The following RAB43 variants were observed in gnomAD, a reference collection of about 807,000 sequenced individuals.
RAB43 encodes ras-related protein Rab-43.
In RAB43, 6 loss-of-function variants were observed where a neutral mutation model predicts 18.8. The observed-to-expected ratio is 0.32, with a 90% CI of 0.17 to 0.63. The LOEUF (loss-of-function observed/expected upper bound fraction) is 0.63. RAB43 is among the 30% of genes least tolerant of loss of function. RAB43 has a pLI of 0.79. For missense variants in RAB43, 195 were observed against 289.1 expected, an observed-to-expected ratio of 0.67 and a Z score of 2.36; for synonymous variants, 103 against 124.1, an observed-to-expected ratio of 0.83 and a Z score of 1.13.
At chr3:129,097,286 G>A (rs112171002) in intron 1 of RAB43, among the ~76,000 whole-genome samples, 6 of 152,292 alleles carry the variant, frequency 3.9e-5, no homozygotes, top group African/African-American at 1.2e-4. Context: ...ATGGAGCAGA[G>A]CAGACCACAC....
Position 129,107,948 on chromosome 3 carries a change from G to A in RAB43, c.205-12779C>T, listed in dbSNP as rs1576836129. Among the ~76,000 whole-genome samples the A allele has an allele frequency of 6.6e-6, 1 of 152,268 alleles. No individual in the cohort carries two copies. Among genetic ancestry groups the A allele is most frequent in the Non-Finnish European group, 1.5e-5 (1 of 68,026 alleles). ...CCTCCCCGGGCTCCCAGGCACAGCT[G>A]GCTGTTTCGCTGCCTATGGCCCCCA... On this transcript the variant is annotated intron_variant, in intron 1 of 2. Transcript: ENST00000315150. The surrounding 1 kb of genome is among the most constrained non-coding windows in gnomAD (Gnocchi z 4.2).
intron 1 of RAB43, among the ~76,000 whole-genome samples, chr3:129,112,330 A>C (rs141249073): frequency 0.019 from 2,954 of 152,304 alleles, 80 homozygotes; most frequent in African/African-American, 0.066. Context: ...AATGGTAAAC[A>C]GAATTTTTTA....
chr3:129,111,388 A>C (rs1935163301), intron 1 of RAB43, among the ~76,000 whole-genome samples: 1 of 151,658 alleles, frequency 6.6e-6, no homozygotes, highest in African/African-American at 2.4e-5. Flanking sequence ...AGTGGTGTGC[A>C]CCTGTGGTCC....
At chr3:129,112,768 T>A (rs1019393036) in intron 1 of RAB43, among the ~76,000 whole-genome samples, 3 of 151,308 alleles carry the variant, frequency 2.0e-5, no homozygotes, top group African/African-American at 7.3e-5. Context: ...TTTTTTTTTT[T>A]GAGACAGGGT....
In RAB43 at chr3:129,118,135, G is replaced by A. The variant is rs146448534; in HGVS notation, c.204+3151C>T. On this transcript the variant is annotated intron_variant, in intron 1 of 2. Transcript: ENST00000315150. ...TCTAGAGGCAGAGTATGATGGGCACGGGAAGAGATGCAAAGGTCCTGAGGC... is the reference window on the plus strand; with the variant it reads ...TCTAGAGGCAGAGTATGATGGGCACAGGAAGAGATGCAAAGGTCCTGAGGC... Among the ~76,000 whole-genome samples, 453 of 152,234 alleles carry A rather than the reference G, an allele frequency of 3.0e-3. 6 individuals are homozygous for A. Among genetic ancestry groups the A allele is most frequent in the Admixed American group, 0.015 (233 of 15,286 alleles).
intron 1 of RAB43, among the ~76,000 whole-genome samples, chr3:129,100,426 A>G (rs1343548082): frequency 1.3e-5 from 2 of 152,190 alleles, no homozygotes; most frequent in African/African-American, 4.8e-5. Flanking sequence ...CCCTATTTCA[A>G]AAGAAGAGGT....
In RAB43 at chr3:129,095,767, GC is replaced by G; in HGVS notation, c.205-599del. 6.6e-6 allele frequency among the ~76,000 whole-genome samples: 1 copy of G among 152,202 alleles called. No individual in the cohort carries two copies. The highest frequency in any genetic ancestry group is 1.9e-4 in the East Asian group (1 of 5,182). On this transcript the variant is annotated intron_variant, in intron 1 of 2. Coordinates refer to ENST00000315150, the MANE Select transcript of RAB43 (RefSeq NM_198490.3). This position sits in a 1 kb window ranked among gnomAD's most constrained non-coding sequence, Gnocchi z 4.2. Reference sequence around the variant, plus strand: ...TGACCCAGCTTGGCCAAAGCAAGGAGCTTTGGCCACCCATGTCTTCATTTAA... The same window carrying G: ...TGACCCAGCTTGGCCAAAGCAAGGAGTTTGGCCACCCATGTCTTCATTTAA...
intron 1 of RAB43, among the ~76,000 whole-genome samples, chr3:129,119,329 TC>T: frequency 6.6e-6 from 1 of 152,154 alleles, no homozygotes; most frequent in African/African-American, 2.4e-5. Context: ...CTTCAGGTTT[TC>T]CTGCCGGCAA....
At chr3:129,105,469 C>CAA (rs1553777185) in intron 1 of RAB43, among the ~76,000 whole-genome samples, 9 of 148,314 alleles carry the variant, frequency 6.1e-5, no homozygotes, top group African/African-American at 2.2e-4. Flanking sequence ...CAAACAACAA[C>CAA]AACAAAACAA....
At chr3:129,116,565 G>C (rs546107678) in intron 1 of RAB43, among the ~76,000 whole-genome samples, 1 of 152,106 alleles carries the variant, frequency 6.6e-6, no homozygotes, top group African/African-American at 2.4e-5. Context: ...CTCTTATCCC[G>C]CCCTGCCCCC....
At chr3:129,115,491 C>T (rs1191610492) in intron 1 of RAB43, among the ~76,000 whole-genome samples, 4 of 149,312 alleles carry the variant, frequency 2.7e-5, no homozygotes, top group African/African-American at 5.0e-5. Flanking sequence ...GCAACAAGAG[C>T]GAAACCCCGT....
At chr3:129,098,348 C>T (rs965538384) in intron 1 of RAB43, among the ~76,000 whole-genome samples, 3 of 152,162 alleles carry the variant, frequency 2.0e-5, no homozygotes, top group Non-Finnish European at 4.4e-5. Flanking sequence ...CATATCCACC[C>T]TAACAAAACA....
chr3:129,092,678 C>T (rs1468439306), intron 2 of RAB43: 14 of 466,166 alleles, frequency 3.0e-5, no homozygotes, highest in Admixed American at 7.6e-5. Flanking sequence ...TTCTATAGGC[C>T]GGGCGCGGTG....
At position 129,088,027 on chromosome 3, in the gene RAB43, A is replaced by C. The variant is rs1414117430; in HGVS notation, c.*3069T>G. The stretch of plus-strand genomic sequence containing the variant: ...CAATTTATCAACAAAGGAAGAGATG[A>C]CACTGTTCTCCTTCCGCCCCAGAGC... On this transcript the variant is annotated 3_prime_UTR_variant, in exon 3 of 3. Coordinates refer to ENST00000315150, the MANE Select transcript of RAB43 (RefSeq NM_198490.3). The C allele has an allele frequency of 1.3e-5, 2 of 151,918 alleles. No individual in the cohort carries two copies. Among genetic ancestry groups the C allele is most frequent in the African/African-American group, 4.8e-5 (2 of 41,342 alleles). 9.4% of individuals were successfully genotyped at this position (151,918 alleles called of 1,614,324 possible). A position where few individuals can be genotyped will look rare whatever the true frequency, so the allele number is the denominator to read the frequency against.
At position 129,113,811 on chromosome 3, in the gene RAB43, G is replaced by A. The variant is rs1394821859; in HGVS notation, c.204+7475C>T. 5.3e-5 allele frequency among the ~76,000 whole-genome samples: 8 copies of A among 152,008 alleles called. No individual in the cohort carries two copies. In the East Asian group the frequency reaches 1.4e-3, roughly 26 times the overall value. On this transcript the variant is annotated intron_variant, in intron 1 of 2. Coordinates refer to ENST00000315150, the MANE Select transcript of RAB43 (RefSeq NM_198490.3). ...TGGGAGGCTGAGGCAGGCAGATCACGAGGTCAAGGGATCGAGACCATCCTG... is the reference window on the plus strand; with the variant it reads ...TGGGAGGCTGAGGCAGGCAGATCACAAGGTCAAGGGATCGAGACCATCCTG...
chr3:129,116,607 A>G (rs185217402), intron 1 of RAB43, among the ~76,000 whole-genome samples: 9 of 152,296 alleles, frequency 5.9e-5, no homozygotes, highest in Non-Finnish European at 1.3e-4. Flanking sequence ...AGCTACAAAA[A>G]CAAATTTGAC....
In RAB43 at chr3:129,091,277, T is replaced by C. The variant is rs1021297758; in HGVS notation, c.458A>G (p.Tyr153Cys). ...CGTCTCAATGGCACACAGGATGTCA[T>C]AGTGCTCAGCCAGGCTCTGTGCCTC... ...LAEAQSLAEH[Y>C]DILCAIETSA... The change falls in exon 3 of 3, where the codon TAT (tyrosine) becomes TGT (cysteine). Residue 153 changes from tyrosine (Y) to cysteine (C), a missense_variant. Physicochemically the swap from Tyr to Cys is radical, Grantham distance 194 (BLOSUM62 -2). Coordinates refer to ENST00000315150, the MANE Select transcript of RAB43 (RefSeq NM_198490.3). 8.2e-6 allele frequency: 13 copies of C among 1,581,614 alleles called. No individual in the cohort carries two copies. Among genetic ancestry groups the C allele is most frequent in the Admixed American group, 1.8e-5 (1 of 54,672 alleles).
intron 2 of RAB43, among the ~76,000 whole-genome samples, chr3:129,094,635 C>A (rs1933911390): frequency 6.6e-6 from 1 of 150,638 alleles, no homozygotes; most frequent in Non-Finnish European, 1.5e-5. Context: ...CTGCCTCAGC[C>A]TCCCCAGCAG....
intron 1 of RAB43, among the ~76,000 whole-genome samples, chr3:129,113,700 C>T (rs980855823): frequency 1.3e-5 from 2 of 152,082 alleles, no homozygotes; most frequent in African/African-American, 2.4e-5. Flanking sequence ...TAATGGCAAA[C>T]GGTCCTTATT....
Sources: gnomAD v4.1 joint callset for allele counts (sites outside exome capture counted in the v4.1 genomes callset) on GRCh38, gnomAD v4.1.1 for gene constraint, Gnocchi (gnomAD v3.1) non-coding constraint, MANE v1.5 for transcripts, NCBI Gene and HGNC (gene_info 2026-07-23, HGNC 2026-07-21) for gene names.